The following RRP7A variants were observed in gnomAD, a reference collection of about 807,000 sequenced individuals.
RRP7A encodes ribosomal RNA-processing protein 7 homolog A.
A neutral mutation model predicts 38.4 loss-of-function variants in RRP7A; 27 were observed. The observed-to-expected ratio is 0.70, with a 90% CI of 0.52 to 0.97. The LOEUF (loss-of-function observed/expected upper bound fraction) is 0.97. Among genes scored for constraint, RRP7A ranks in the 50% least tolerant of loss-of-function variants. The probability of loss-of-function intolerance (pLI) is 0.00; values close to 1 mark genes in which losing one functional copy is unlikely to be tolerated. For missense variants in RRP7A, 327 were observed against 375.4 expected (o/e 0.87, Z 1.07); for synonymous variants, 124 against 150.3 (o/e 0.83, Z 1.28).
At position 42,519,777 on chromosome 22, in the gene RRP7A, G is replaced by A. The variant is rs773233078; in HGVS notation, c.10C>T (p.Arg4Cys). ...TCCCGCGCGGCGCACTTCCTCCTGC[G>A]CGCCACCATCTTGCCACCCGGGAGC... The part of the protein sequence containing the change: MVA[R>C]RRKCAARDPE... The change falls in exon 1 of 7, where the codon CGC (arginine) becomes TGC (cysteine). Residue 4 changes from arginine to cysteine, a missense_variant. Coordinates refer to ENST00000323013, the MANE Select transcript of RRP7A (RefSeq NM_015703.5). 6 of 1,444,844 alleles carry A rather than the reference G, an allele frequency of 4.2e-6. No homozygotes were observed. The highest frequency in any genetic ancestry group is 5.5e-6 in the Non-Finnish European group (6 of 1,100,436). 89.5% of individuals were successfully genotyped at this position (1,444,844 alleles called of 1,614,324 possible). A position where few individuals can be genotyped will look rare whatever the true frequency, so the allele number is the denominator to read the frequency against.
Position 42,512,714 on chromosome 22 carries a change from C to T in RRP7A, c.*196G>A, listed in dbSNP as rs1002744032. On this transcript the variant is annotated 3_prime_UTR_variant, in exon 7 of 7. Transcript: ENST00000323013. ...TCTCGGCACGCCTGGGTCCCCAGGACTGCTGAAGCACAAGACCCGAGGGGT... is the reference window on the plus strand; with the variant it reads ...TCTCGGCACGCCTGGGTCCCCAGGATTGCTGAAGCACAAGACCCGAGGGGT... The T allele has an allele frequency of 9.4e-6, 6 of 640,118 alleles. No homozygotes were observed. In the African/African-American group the frequency reaches 1.1e-4, roughly 12 times the overall value. The allele number at this position is 640,118 out of a possible 1,614,324, so 39.7% of individuals were successfully genotyped here.
rs1435851000 is a variant in RRP7A, at chr22:42,516,167, G to A, written c.217-31C>T. 1.9e-6 allele frequency: 3 copies of A among 1,609,978 alleles called. No homozygotes were observed. In the Admixed American group the frequency reaches 5.0e-5, roughly 27 times the overall value. ...GCAGGGAGAGGGAAGCCAAGTGTGA[G>A]CATCCGCAGGGCCATCCCAAAGCCT... is the stretch of plus-strand genomic sequence containing the variant. On this transcript the variant is annotated intron_variant, in intron 2 of 6. Coordinates refer to ENST00000323013, the MANE Select transcript of RRP7A (RefSeq NM_015703.5).
chr22:42,508,808 AG>A lies in RRP7A; in HGVS notation c.*4101del. On this transcript the variant is annotated 3_prime_UTR_variant, in exon 7 of 7. Coordinates refer to ENST00000323013, the MANE Select transcript of RRP7A (RefSeq NM_015703.5). ...AGTCAGGCTGGGTAGCCACGAGCCC[AG>A]GAAGAGGGGAGAACAGACTTGGAGA... is the stretch of plus-strand genomic sequence containing the variant. Among the ~76,000 whole-genome samples, 1 of 152,334 alleles carries A rather than the reference AG, an allele frequency of 6.6e-6. No individual in the cohort carries two copies. The highest frequency in any genetic ancestry group is 2.1e-4 in the South Asian group (1 of 4,834).
At chr22:42,514,850 C>G (rs1348351659) in intron 4 of RRP7A, 71 bp from the exon 5 acceptor site, 1 of 1,160,496 alleles carries the variant, frequency 8.6e-7, no homozygotes, top group East Asian at 2.5e-5. Context: ...CAGGGCCTGC[C>G]AGGCAAATTG....
Position 42,519,759 on chromosome 22 carries a change from CG to C in RRP7A, c.27del (p.Ala10ArgfsTer33). 1 of 1,451,502 alleles carries C rather than the reference CG, an allele frequency of 6.9e-7. No individual in the cohort carries two copies. Among genetic ancestry groups the C allele is most frequent in the Non-Finnish European group, 9.1e-7 (1 of 1,103,654 alleles). 89.9% of individuals were successfully genotyped at this position (1,451,502 alleles called of 1,614,324 possible). On this transcript the variant is annotated frameshift_variant, in exon 1 of 7. Coordinates refer to ENST00000323013, the MANE Select transcript of RRP7A (RefSeq NM_015703.5). LOFTEE classifies it high-confidence loss of function. MVARRRKC[A>X]ARDPEDRIPS... ...GGGATACGGTCCTCCGGGTCCCGCG[CG>C]GCGCACTTCCTCCTGCGCGCCACCA...
rs1290062894 is a variant in RRP7A, at chr22:42,515,143, G to A, written c.460+8C>T. On this transcript the variant is annotated splice_region_variant and intron_variant, in intron 4 of 6. Coordinates refer to ENST00000323013, the MANE Select transcript of RRP7A (RefSeq NM_015703.5). ...AAGGAGGCGCCAGACCCCTCCCGCA[G>A]TACTAACTGTGAATGCCACTCTTCA... The A allele has an allele frequency of 5.2e-6, 5 of 966,602 alleles. No homozygotes were observed. The highest frequency in any genetic ancestry group is 8.0e-6 in the Non-Finnish European group (5 of 623,728). The allele number at this position is 966,602 out of a possible 1,614,324, so 59.9% of individuals were successfully genotyped here.
In RRP7A at chr22:42,509,152, C is replaced by T. The variant is rs1411629789; in HGVS notation, c.*3758G>A. ...CCCCTTCAGTCACCCCCCAAGGAGA[C>T]ATGGGCGCCAGGAATCTCTGGGAGG... On this transcript the variant is annotated 3_prime_UTR_variant, in exon 7 of 7. Coordinates refer to ENST00000323013, the MANE Select transcript of RRP7A (RefSeq NM_015703.5). 6.2e-6 allele frequency: 10 copies of T among 1,612,976 alleles called. No individual in the cohort carries two copies. Among genetic ancestry groups the T allele is most frequent in the Non-Finnish European group, 8.5e-6 (10 of 1,179,240 alleles).
intron 1 of RRP7A, among the ~76,000 whole-genome samples, chr22:42,519,230 G>T (rs1256876626): frequency 6.7e-6 from 1 of 150,166 alleles, no homozygotes; most frequent in African/African-American, 2.5e-5. Context: ...GCCTATCGTG[G>T]GCGCGGCAGA....
In RRP7A at chr22:42,510,517, G is replaced by A. The variant is rs1180992793; in HGVS notation, c.*2393C>T. 2.4e-6 allele frequency: 1 copy of A among 412,012 alleles called. No individual in the cohort carries two copies. Among genetic ancestry groups the A allele is most frequent in the African/African-American group, 2.1e-5 (1 of 48,082 alleles). 25.5% of individuals were successfully genotyped at this position (412,012 alleles called of 1,614,324 possible). ...CAAGGGACCCAGCTGTGGGAGTTGGGGTAGCCCAGGCTTTGGTTTCTCCTC... is the reference window on the plus strand; with the variant it reads ...CAAGGGACCCAGCTGTGGGAGTTGGAGTAGCCCAGGCTTTGGTTTCTCCTC... On this transcript the variant is annotated 3_prime_UTR_variant, in exon 7 of 7. Coordinates refer to ENST00000323013, the MANE Select transcript of RRP7A (RefSeq NM_015703.5).
At position 42,512,601 on chromosome 22, in the gene RRP7A, A is replaced by T; in HGVS notation, c.*309T>A. The stretch of plus-strand genomic sequence containing the variant: ...TTTCGTTGCCAGCAAGGGCTTTTGC[A>T]TTGAGGGAAAAGGAAGCACAGAACG... On this transcript the variant is annotated 3_prime_UTR_variant, in exon 7 of 7. Transcript: ENST00000323013. 1.8e-6 allele frequency: 1 copy of T among 551,660 alleles called. No homozygotes were observed. The highest frequency in any genetic ancestry group is 2.2e-5 in the South Asian group (1 of 46,444). 34.2% of individuals were successfully genotyped at this position (551,660 alleles called of 1,614,324 possible). A position where few individuals can be genotyped will look rare whatever the true frequency, so the allele number is the denominator to read the frequency against.
chr22:42,510,823 G>A lies in RRP7A; in HGVS notation c.*2087C>T. On this transcript the variant is annotated 3_prime_UTR_variant, in exon 7 of 7. Coordinates refer to ENST00000323013, the MANE Select transcript of RRP7A (RefSeq NM_015703.5). Reference sequence around the variant, plus strand: ...ATGCACTGGGAAAGACCCCTGGTCTGCCCCCAGGCCCAACAAGTGACCACC... The same window carrying A: ...ATGCACTGGGAAAGACCCCTGGTCTACCCCCAGGCCCAACAAGTGACCACC... 1.6e-6 allele frequency: 2 copies of A among 1,251,868 alleles called. No individual in the cohort carries two copies. The highest frequency in any genetic ancestry group is 2.1e-5 in the South Asian group (1 of 46,780). 77.5% of individuals were successfully genotyped at this position (1,251,868 alleles called of 1,614,324 possible).
rs937303583 is a variant in RRP7A, at chr22:42,514,467, C to T, written c.559-163G>A. On this transcript the variant is annotated intron_variant, in intron 5 of 6. Transcript: ENST00000323013. ...TTGGGGCTAAGGATGGCGGGGAGGGCACGGACCTGCCGGCACTGCCTCCTT... is the reference window on the plus strand; with the variant it reads ...TTGGGGCTAAGGATGGCGGGGAGGGTACGGACCTGCCGGCACTGCCTCCTT... Among the ~76,000 whole-genome samples, 16 of 152,132 alleles carry T rather than the reference C, an allele frequency of 1.1e-4. 1 individual carries two copies. Among genetic ancestry groups the T allele is most frequent in the Non-Finnish European group, 1.5e-4 (10 of 67,988 alleles).
chr22:42,517,342 T>TAAAAAAAAAAAAAAAA (rs71184902), intron 2 of RRP7A, among the ~76,000 whole-genome samples: 1 of 117,532 alleles, frequency 8.5e-6, no homozygotes, highest in African/African-American at 3.1e-5. Context: ...TTAGTTTTTG[T>TAAAAAAAAAAAAAAAA]AAAAAAAAAA....
In RRP7A at chr22:42,516,336, C is replaced by CTTT. The variant is rs11377171; in HGVS notation, c.217-203_217-201dup. On this transcript the variant is annotated intron_variant, in intron 2 of 6. Transcript: ENST00000323013. ...CAATATGGAGGTTGATATTCCTGCT[C>CTTT]TTTTTTTTTTTTGAGTTGGAGTATT... 5.5e-5 allele frequency: 33 copies of CTTT among 598,142 alleles called. No homozygotes were observed. The East Asian group carries it at 5.6e-4, about 10-fold the overall frequency. The allele number at this position is 598,142 out of a possible 1,614,324, so 37.1% of individuals were successfully genotyped here.
Position 42,514,265 on chromosome 22 carries a change from C to T in RRP7A, c.598G>A (p.Glu200Lys), listed in dbSNP as rs749543746. 1.1e-5 allele frequency: 17 copies of T among 1,600,698 alleles called. No individual in the cohort carries two copies. The highest frequency in any genetic ancestry group is 4.5e-5 in the East Asian group (2 of 44,794). Reference protein sequence around the residue: ...KAKEEEGVPDEEGWVKVTRRG... With the variant: ...KAKEEEGVPDKEGWVKVTRRG... The stretch of plus-strand genomic sequence containing the variant: ...CGGGTCACCTTCACCCAGCCCTCCT[C>T]GTCAGGGACCCCCTCCTCCTCCTTG... Residue 200 changes from glutamate to lysine, a missense_variant, in exon 6 of 7, where the codon GAG becomes AAG. Around this residue, in one of 5 missense-constraint regions of RRP7A, gnomAD observed 46 missense variants for 93.0 expected, o/e 0.49. Coordinates refer to ENST00000323013, the MANE Select transcript of RRP7A (RefSeq NM_015703.5).
At chr22:42,519,672 G>C (rs112799478) in intron 1 of RRP7A, 42 bp downstream of exon 1, 8 of 1,424,738 alleles carry the variant, frequency 5.6e-6, no homozygotes, top group Non-Finnish European at 7.4e-6. Flanking sequence ...ACCTCCCGGC[G>C]ATGCCTGACC....
intron 6 of RRP7A, among the ~76,000 whole-genome samples, chr22:42,513,736 T>C (rs1221640368): frequency 6.6e-5 from 10 of 150,658 alleles, no homozygotes; most frequent in Non-Finnish European, 1.3e-4. Context: ...CCAACACACA[T>C]ACTCTGCAGC....
intron 3 of RRP7A, among the ~76,000 whole-genome samples, 177 bp from the exon 4 acceptor site, chr22:42,515,445 C>A (rs924914140): frequency 6.6e-6 from 1 of 152,264 alleles, no homozygotes; most frequent in Non-Finnish European, 1.5e-5. Flanking sequence ...AGCCACACTT[C>A]CAGTAATCCT....
rs570168743 is a variant in RRP7A at position 42,508,354 on chromosome 22, ATTTT to A, written c.*4552_*4555del. Among the ~76,000 whole-genome samples the A allele has an allele frequency of 1.6e-4, 24 of 150,994 alleles. No individual in the cohort carries two copies. Among genetic ancestry groups the A allele is most frequent in the African/African-American group, 4.6e-4 (19 of 41,104 alleles). ...AAAAGGTTCTATAAATTCTTCTCAT[ATTTT>A]TATTTAACATCCACAATGTGATTTA... On this transcript the variant is annotated 3_prime_UTR_variant, in exon 7 of 7. Transcript: ENST00000323013.
Sources: gnomAD v4.1 joint callset for allele counts (sites outside exome capture counted in the v4.1 genomes callset) on GRCh38, gnomAD v4.1.1 for gene constraint, gnomAD v4.1.1 regional missense constraint, MANE v1.5 for transcripts, NCBI Gene and HGNC (gene_info 2026-07-23, HGNC 2026-07-21) for gene names.